SEC14L3: variants seen among roughly 807,000 people sequenced by gnomAD.
The protein encoded by SEC14L3 is SEC14 like lipid binding 3.
In SEC14L3, 56 loss-of-function variants were observed where a neutral mutation model predicts 57.4. The observed-to-expected ratio is 0.97, with a 90% CI of 0.79 to 1.22. The LOEUF (loss-of-function observed/expected upper bound fraction) is 1.22, where lower values mean the gene tolerates loss of function less well. Ranked by LOEUF, SEC14L3 falls within the 50% of genes most tolerant of loss-of-function variation. The pLI is 0.00. For missense variants in SEC14L3, 485 were observed against 511.7 expected (o/e 0.95, Z 0.50); for synonymous variants, 173 against 194.4 (o/e 0.89, Z 0.92).
At chr22:30,451,899 C>T (rs925146058) in intron 12 of SEC14L3, among the ~76,000 whole-genome samples, 3 of 143,102 alleles carry the variant, frequency 2.1e-5, no homozygotes, top group Non-Finnish European at 4.5e-5. Context: ...GGCTGAGGCA[C>T]GAGAATGGCT....
downstream of SEC14L3, among the ~76,000 whole-genome samples, chr22:30,455,129 T>C (rs568673782): frequency 1.0e-5 from 1 of 95,402 alleles, no homozygotes; most frequent in Admixed American, 1.7e-4. Context: ...TAATATATAT[T>C]ATATTTAATA....
At chr22:30,465,409 A>G (rs1935386976) in intron 7 of SEC14L3, among the ~76,000 whole-genome samples, 2 of 151,548 alleles carry the variant, frequency 1.3e-5, no homozygotes, top group South Asian at 4.2e-4. Context: ...CAGCCAGCCA[A>G]CCATCCAAAT....
exon 13 of SEC14L3, chr22:30,448,566 TA>T (rs10580243): frequency 0.46 from 54,729 of 117,904 alleles, 11,942 homozygotes; most frequent in South Asian, 0.59. Flanking sequence ...TACATTCTCC[TA>T]AAAAAAAAAA....
downstream of SEC14L3, among the ~76,000 whole-genome samples, chr22:30,457,626 G>A (rs868302504): frequency 7.9e-5 from 12 of 151,402 alleles, no homozygotes; most frequent in South Asian, 6.3e-4. Context: ...CAAGTGATCC[G>A]CCTGCCTTGG....
intron 8 of SEC14L3, among the ~76,000 whole-genome samples, chr22:30,464,584 C>T (rs970068823): frequency 1.1e-4 from 17 of 152,164 alleles, no homozygotes; most frequent in Admixed American, 7.2e-4. Context: ...GTGTGCACCA[C>T]CACAACCAGC....
Position 30,459,893 on chromosome 22 carries a change from T to C in SEC14L3, c.*128A>G, listed in dbSNP as rs1490936149. ...CAGTAGATGAGTTTTCCCCAGGGCA[T>C]CTCTTTCTGTACTCACTAACGTCAC... On this transcript the variant is annotated 3_prime_UTR_variant, in exon 12 of 12. Transcript: ENST00000215812. 1 of 1,431,976 alleles carries C rather than the reference T, an allele frequency of 7.0e-7. No individual in the cohort carries two copies. 88.7% of individuals were successfully genotyped at this position (1,431,976 alleles called of 1,614,324 possible).
intron 5 of SEC14L3, 33 bp from the exon 6 acceptor site, chr22:30,467,110 G>C (rs1433903039): frequency 6.2e-7 from 1 of 1,613,244 alleles, no homozygotes; most frequent in Non-Finnish European, 8.5e-7. Context: ...TAGTTCTGGA[G>C]TTCAGGGTGT....
chr22:30,469,914 C>A (rs540026444), intron 4 of SEC14L3, 105 bp downstream of exon 4: 5 of 809,868 alleles, frequency 6.2e-6, no homozygotes, highest in African/African-American at 3.4e-5. Context: ...TGCAGGCCTG[C>A]GGGTTCCACA....
chr22:30,460,264 C>A, intron 11 of SEC14L3, 122 bp from the exon 12 acceptor site: 1 of 1,509,990 alleles, frequency 6.6e-7, no homozygotes, highest in Non-Finnish European at 8.9e-7. Context: ...CTGGGCCAAG[C>A]TCCCACCACG....
At chr22:30,448,588 C>T (rs1420146007) in exon 13 of SEC14L3, 1 of 147,198 alleles carries the variant, frequency 6.8e-6, no homozygotes, top group Non-Finnish European at 1.5e-5. Context: ...AAAAAAAAGC[C>T]CAGACCAGGA....
Position 30,461,456 on chromosome 22 carries a change from G to T in SEC14L3, c.935C>A (p.Ala312Glu), listed in dbSNP as rs144684185. ...CAGGAAAACTCCGAAGCCGATGTCC[G>T]CACCATCAGATGAGAACTGCCACCT... ...VLRWQFSSDG[A>E]DIGFGVFLKT... The change falls in exon 11 of 12, where the codon GCG becomes GAG. Residue 312 changes from alanine to glutamate, a missense_variant. Ala to Glu is a moderately radical substitution (Grantham distance 107). Coordinates refer to ENST00000215812, the MANE Select transcript of SEC14L3 (RefSeq NM_174975.5). The T allele has an allele frequency of 2.2e-5, 36 of 1,613,558 alleles. No individual in the cohort carries two copies. The highest frequency in any genetic ancestry group is 2.9e-5 in the Non-Finnish European group (34 of 1,179,778).
intron 12 of SEC14L3, among the ~76,000 whole-genome samples, chr22:30,451,202 G>T (rs1325898774): frequency 6.6e-6 from 1 of 152,222 alleles, no homozygotes; most frequent in Non-Finnish European, 1.5e-5. Context: ...TGTGTGGGCA[G>T]ATGAACGCCA....
downstream of SEC14L3, among the ~76,000 whole-genome samples, chr22:30,454,565 T>A (rs751438753): frequency 0.011 from 1,395 of 124,090 alleles, 42 homozygotes; most frequent in Middle Eastern, 0.032. Flanking sequence ...TATAATAATA[T>A]TATATATAAT....
Position 30,461,590 on chromosome 22 carries a change from C to T in SEC14L3, c.876G>A (p.Val292=), listed in dbSNP as rs1258235163. ...AGCCTGGAAATAGGATCTCGTATTC[C>T]ACTTGGTGTGATGAGCCGCGGTTGA... ...VQINRGSSHQ[V]EYEILFPGCV... is the part of the protein sequence containing the mutation. The change falls in exon 10 of 12, where the codon GTG becomes GTA. Residue 292 remains valine (V), a synonymous_variant. Coordinates refer to ENST00000215812, the MANE Select transcript of SEC14L3 (RefSeq NM_174975.5). 3 of 1,614,078 alleles carry T rather than the reference C, an allele frequency of 1.9e-6. No homozygotes were observed. Among genetic ancestry groups the T allele is most frequent in the South Asian group, 2.2e-5 (2 of 91,078 alleles).
rs1054155866 is a variant in SEC14L3 at position 30,460,212 on chromosome 22, G to A, written c.1082-70C>T. 4.4e-6 allele frequency: 7 copies of A among 1,578,838 alleles called. No homozygotes were observed. The African/African-American group carries it at 9.4e-5, about 21-fold the overall frequency. ...ACTCTTTTTTCCACCCCTGGCCATG[G>A]AGGAGGACAGGCTTGTGTTCCCACT... On this transcript the variant is annotated intron_variant, in intron 11 of 11. Coordinates refer to ENST00000215812, the MANE Select transcript of SEC14L3 (RefSeq NM_174975.5).
chr22:30,457,109 G>A (rs1601812332), downstream of SEC14L3, among the ~76,000 whole-genome samples: 2 of 152,044 alleles, frequency 1.3e-5, no homozygotes, highest in South Asian at 4.1e-4. Context: ...CCTTTCCTTT[G>A]GTGGTCAAGG....
intron 4 of SEC14L3, among the ~76,000 whole-genome samples, chr22:30,469,569 C>T (rs887594984): frequency 1.3e-5 from 2 of 152,208 alleles, no homozygotes; most frequent in African/African-American, 4.8e-5. Context: ...TCATCAGTGC[C>T]TTGATGGGCT....
chr22:30,465,026 C>T (rs1459020328), intron 7 of SEC14L3, 123 bp from the exon 8 acceptor site: 11 of 1,442,308 alleles, frequency 7.6e-6, no homozygotes, highest in Middle Eastern at 2.4e-4. Context: ...CAGTGTCTGT[C>T]CTGCACCCAA....
Position 30,464,822 on chromosome 22 carries a change from C to T in SEC14L3, c.662G>A (p.Gly221Glu), listed in dbSNP as rs868116407. ...GAAATTGAGCTGGCACTACTTACTT[C>T]CCAACACAATAATTTTCCTGCGAGT... Reference protein sequence around the residue: ...EDTRRKIIVLGNNWKEGLLKL... With the variant: ...EDTRRKIIVLENNWKEGLLKL... Residue 221 changes from glycine (G) to glutamate (E), a missense_variant and splice_region_variant, in exon 8 of 12, where the codon GGA (glycine) becomes GAA (glutamate). Coordinates refer to ENST00000215812, the MANE Select transcript of SEC14L3 (RefSeq NM_174975.5). The T allele has an allele frequency of 1.9e-6, 3 of 1,614,030 alleles. No individual in the cohort carries two copies. The highest frequency in any genetic ancestry group is 2.5e-6 in the Non-Finnish European group (3 of 1,179,928).
Sources: gnomAD v4.1 joint callset for allele counts (sites outside exome capture counted in the v4.1 genomes callset) on GRCh38, gnomAD v4.1.1 for gene constraint, MANE v1.5 for transcripts, NCBI Gene and HGNC (gene_info 2026-07-23, HGNC 2026-07-21) for gene names.